The following PTPN4 variants were observed in gnomAD, a reference collection of about 807,000 sequenced individuals.
PTPN4 encodes the protein protein tyrosine phosphatase non-receptor type 4, also known as tyrosine-protein phosphatase non-receptor type 4.
Under a neutral mutation model 135.5 loss-of-function variants are expected in PTPN4, and 49 were observed. That is an observed-to-expected ratio of 0.36 (90% CI 0.29 to 0.46). The LOEUF (loss-of-function observed/expected upper bound fraction) is 0.46. Ranked by LOEUF, PTPN4 falls within the 20% of genes least tolerant of loss-of-function variation. The pLI, the probability that PTPN4 is intolerant of heterozygous loss-of-function variation, is 1.00. For synonymous variants in PTPN4, 333 were observed against 369.9 expected, an observed-to-expected ratio of 0.90 and a Z score of 1.14; for missense variants, 860 against 1,101.0, an observed-to-expected ratio of 0.78 and a Z score of 3.10.
At chr2:119,865,062 G>A (rs1346176278) in intron 3 of PTPN4, among the ~76,000 whole-genome samples, 1 of 152,100 alleles carries the variant, frequency 6.6e-6, no homozygotes, top group Non-Finnish European at 1.5e-5. Context: ...CCCCATGCTA[G>A]TCTTGTCCAC....
Position 119,769,611 on chromosome 2 carries a change from C to T in PTPN4, c.-18+9227C>T, listed in dbSNP as rs980626037. On this transcript the variant is annotated intron_variant, in intron 1 of 26. Coordinates refer to ENST00000263708, the MANE Select transcript of PTPN4 (RefSeq NM_002830.4). ...AATGAATATAGATGAGACAGCTCTT[C>T]GAGAAGTTTGCCATAGAGGTAAAAG... 7.9e-5 allele frequency among the ~76,000 whole-genome samples: 12 copies of T among 152,244 alleles called. No individual in the cohort carries two copies. The South Asian group carries it at 2.1e-3, about 26-fold the overall frequency.
At chr2:119,880,571 A>G (rs931747584) in intron 5 of PTPN4, among the ~76,000 whole-genome samples, 1 of 151,272 alleles carries the variant, frequency 6.6e-6, no homozygotes, top group Non-Finnish European at 1.5e-5. Context: ...CTGGGACTAC[A>G]GGTGCCTGCC....
intron 3 of PTPN4, among the ~76,000 whole-genome samples, 172 bp downstream of exon 3, chr2:119,862,815 C>G (rs1052660934): frequency 6.6e-6 from 1 of 151,804 alleles, no homozygotes; most frequent in African/African-American, 2.4e-5. Flanking sequence ...TTTAATCTTT[C>G]AGAAGTTATT....
chr2:119,802,930 A>C (rs1691401905), intron 1 of PTPN4, among the ~76,000 whole-genome samples: 1 of 152,086 alleles, frequency 6.6e-6, no homozygotes, highest in South Asian at 2.1e-4. Flanking sequence ...ATATTGGCTG[A>C]ATTTTGGCAG....
At chr2:119,893,196 G>A (rs1020162301) in intron 9 of PTPN4, among the ~76,000 whole-genome samples, 1 of 152,192 alleles carries the variant, frequency 6.6e-6, no homozygotes, top group Non-Finnish European at 1.5e-5. Flanking sequence ...TGATCCAGGT[G>A]AAAGGTAATG....
At chr2:119,929,352 T>G (rs899735322) in intron 13 of PTPN4, among the ~76,000 whole-genome samples, 5 of 152,074 alleles carry the variant, frequency 3.3e-5, no homozygotes, top group African/African-American at 4.8e-5. Flanking sequence ...GTTCTTTTTT[T>G]TTCTTTGGGT....
At chr2:119,930,616 TAAC>T (rs1678890576) in intron 13 of PTPN4, among the ~76,000 whole-genome samples, 1 of 152,180 alleles carries the variant, frequency 6.6e-6, no homozygotes, top group Non-Finnish European at 1.5e-5. Flanking sequence ...GTACACATAA[TAAC>T]AATTTGTTCA....
At chr2:119,778,354 G>A (rs758836609) in intron 1 of PTPN4, among the ~76,000 whole-genome samples, 4 of 152,048 alleles carry the variant, frequency 2.6e-5, no homozygotes, top group South Asian at 2.1e-4. Context: ...ATTAATATAC[G>A]TCTGTTTTAG....
intron 2 of PTPN4, among the ~76,000 whole-genome samples, chr2:119,844,960 A>G (rs1677465793): frequency 6.6e-6 from 1 of 150,872 alleles, no homozygotes. Flanking sequence ...CAGCCTGGGC[A>G]CCATTGAGCA....
At chr2:119,854,128 A>G (rs1159908745) in intron 2 of PTPN4, among the ~76,000 whole-genome samples, 1 of 152,026 alleles carries the variant, frequency 6.6e-6, no homozygotes, top group Non-Finnish European at 1.5e-5. Context: ...TCTGTGAAAA[A>G]CCTGGCTCTC....
At position 119,982,925 on chromosome 2, in the gene PTPN4, G is replaced by T. The variant is rs1679715851; in HGVS notation, c.*5855G>T. On this transcript the variant is annotated 3_prime_UTR_variant, in exon 27 of 27. Transcript: ENST00000263708. ...AGTTTATATTAATTCAGCTGAACAA[G>T]AACTACATCTTAAACCACCTTTGTA... 1 of 152,166 alleles carries T rather than the reference G, an allele frequency of 6.6e-6. No homozygotes were observed. The highest frequency in any genetic ancestry group is 1.5e-5 in the Non-Finnish European group (1 of 68,034). 9.4% of individuals were successfully genotyped at this position (152,166 alleles called of 1,614,324 possible).
At chr2:119,844,573 C>CG (rs1198840523) in intron 2 of PTPN4, among the ~76,000 whole-genome samples, 98 of 147,596 alleles carry the variant, frequency 6.6e-4, no homozygotes, top group Non-Finnish European at 1.2e-3. Flanking sequence ...ACCTCCCAGA[C>CG]GGGGTCTCGG....
At chr2:119,856,940 A>G (rs1014687793) in intron 2 of PTPN4, among the ~76,000 whole-genome samples, 46 of 152,160 alleles carry the variant, frequency 3.0e-4, no homozygotes, top group Admixed American at 2.9e-3. Context: ...ATATTTGGCA[A>G]TGAATCTTGA....
At chr2:119,818,973 C>T (rs1489590766) in intron 2 of PTPN4, among the ~76,000 whole-genome samples, 1 of 152,178 alleles carries the variant, frequency 6.6e-6, no homozygotes, top group Non-Finnish European at 1.5e-5. Context: ...GAAATTCTAA[C>T]CCTGTGTACG....
intron 9 of PTPN4, among the ~76,000 whole-genome samples, chr2:119,888,404 GGGCATCCTT>G (rs1678191145): frequency 6.6e-6 from 1 of 152,048 alleles, no homozygotes; most frequent in South Asian, 2.1e-4. Context: ...GTGTGAAAGT[GGGCATCCTT>G]GTCTTTTTCC....
intron 15 of PTPN4, among the ~76,000 whole-genome samples, chr2:119,936,496 G>C (rs1678985937): frequency 6.6e-6 from 1 of 152,086 alleles, no homozygotes; most frequent in Admixed American, 6.5e-5. Flanking sequence ...CACAAGATCT[G>C]ATGGTTTTAT....
chr2:119,926,189 T>C (rs1342303521), intron 12 of PTPN4, among the ~76,000 whole-genome samples: 3 of 152,208 alleles, frequency 2.0e-5, no homozygotes, highest in Non-Finnish European at 4.4e-5. Flanking sequence ...CTGAGAACTT[T>C]TATTAACAAA....
intron 10 of PTPN4, among the ~76,000 whole-genome samples, chr2:119,910,369 A>G: frequency 6.6e-6 from 1 of 152,196 alleles, no homozygotes; most frequent in African/African-American, 2.4e-5. Flanking sequence ...TTATCACAGT[A>G]TTCGCTTTAG....
At chr2:119,891,301 C>G (rs1467352892) in intron 9 of PTPN4, among the ~76,000 whole-genome samples, 1 of 151,922 alleles carries the variant, frequency 6.6e-6, no homozygotes, top group African/African-American at 2.4e-5. Flanking sequence ...TCAGTGAATT[C>G]TACAGTTTCA....
Sources: allele counts gnomAD v4.1 joint callset (sites outside exome capture counted in the v4.1 genomes callset), GRCh38; gene constraint gnomAD v4.1.1; transcripts MANE v1.5; gene names NCBI Gene and HGNC (gene_info 2026-07-23, HGNC 2026-07-21).